Variants in CFAP100 observed in about 807,000 individuals in gnomAD.
CFAP100 encodes the protein cilia- and flagella-associated protein 100.
In CFAP100, 70 loss-of-function variants were observed where a neutral mutation model predicts 81.5. That is an observed-to-expected ratio of 0.86 (90% CI 0.71 to 1.05). The LOEUF is 1.05. Among genes scored for constraint, CFAP100 ranks in the 50% least tolerant of loss-of-function variants. The probability of loss-of-function intolerance (pLI) is 0.00; values close to 1 mark genes in which losing one functional copy is unlikely to be tolerated. For synonymous variants in CFAP100, 341 were observed against 314.8 expected (o/e 1.08, Z -0.88); for missense variants, 811 against 776.5 (o/e 1.04, Z -0.53).
At chr3:126,433,980 G>A in intron 14 of CFAP100, 196 bp from the exon 15 acceptor site, 1 of 571,500 alleles carries the variant, frequency 1.7e-6, no homozygotes, top group Non-Finnish European at 3.1e-6. Flanking sequence ...TGACTCCAGG[G>A]GGCCCGGGGG....
chr3:126,405,770 T>C (rs1278496081), intron 2 of CFAP100, among the ~76,000 whole-genome samples: 2 of 152,170 alleles, frequency 1.3e-5, no homozygotes, highest in Non-Finnish European at 2.9e-5. Context: ...ATATGTGCTA[T>C]GTATGTGCAT....
At chr3:126,410,867 C>CA (rs1160922899) in intron 3 of CFAP100, among the ~76,000 whole-genome samples, 1 of 152,216 alleles carries the variant, frequency 6.6e-6, no homozygotes, top group African/African-American at 2.4e-5. Context: ...ACCACAAACT[C>CA]AAAGGCTTTG....
intron 10 of CFAP100, 33 bp from the exon 11 acceptor site, chr3:126,420,070 A>T: frequency 6.2e-7 from 1 of 1,613,262 alleles, no homozygotes; most frequent in Admixed American, 1.7e-5. Flanking sequence ...TGCCCTGCAC[A>T]GGGCTCGGAA....
At chr3:126,434,489 T>A in intron 15 of CFAP100, 108 bp downstream of exon 15, 2 of 1,059,212 alleles carry the variant, frequency 1.9e-6, no homozygotes, top group Admixed American at 2.5e-5. Context: ...AGGCCCCTCC[T>A]GCTCTGTGCT....
At chr3:126,414,793 C>T (rs1046404794) in intron 4 of CFAP100, among the ~76,000 whole-genome samples, 5 of 152,358 alleles carry the variant, frequency 3.3e-5, no homozygotes, top group Middle Eastern at 3.4e-3. Flanking sequence ...CTGCCTTGGG[C>T]ACCCAGCCCT....
intron 5 of CFAP100, chr3:126,417,981 T>G (rs2083269741): frequency 6.3e-6 from 1 of 159,050 alleles, no homozygotes; most frequent in African/African-American, 2.4e-5. Flanking sequence ...CCACCTCGAC[T>G]TCCTCCTGTC....
rs866275425 is a variant in CFAP100, at chr3:126,395,945, A to G, written c.-56A>G. On this transcript the variant is annotated 5_prime_UTR_variant, in exon 2 of 17. Coordinates refer to ENST00000352312, the MANE Select transcript of CFAP100 (RefSeq NM_182628.3). ...CAAGCACTGTGTCACTCCTCAGGTGAGGATCTCCTTTAGAAGAGGAGAAGC... is the reference window on the plus strand; with the variant it reads ...CAAGCACTGTGTCACTCCTCAGGTGGGGATCTCCTTTAGAAGAGGAGAAGC... 29 of 1,454,810 alleles carry G rather than the reference A, an allele frequency of 2.0e-5. No individual in the cohort carries two copies. The Middle Eastern group carries it at 1.9e-3, about 96-fold the overall frequency. 90.1% of individuals were successfully genotyped at this position (1,454,810 alleles called of 1,614,324 possible).
chr3:126,430,915 T>C (rs1933195290), intron 13 of CFAP100, among the ~76,000 whole-genome samples: 1 of 152,080 alleles, frequency 6.6e-6, no homozygotes. Context: ...GATCTTTATT[T>C]CTTTAGGGTC....
chr3:126,432,499 G>C (rs997191932), intron 13 of CFAP100, among the ~76,000 whole-genome samples: 12 of 152,096 alleles, frequency 7.9e-5, no homozygotes, highest in African/African-American at 2.9e-4. Context: ...TGCAATGGAA[G>C]ATTACTCAGC....
In CFAP100 at chr3:126,436,524, T is replaced by C. The variant is rs1201644888; in HGVS notation, c.*120T>C. ...TCCTCTCTGTCTCCTGTGTGCTCCCTTCCTCACCTGAATAAATTCATGTCT... is the reference window on the plus strand; with the variant it reads ...TCCTCTCTGTCTCCTGTGTGCTCCCCTCCTCACCTGAATAAATTCATGTCT... On this transcript the variant is annotated 3_prime_UTR_variant, in exon 17 of 17. Coordinates refer to ENST00000352312, the MANE Select transcript of CFAP100 (RefSeq NM_182628.3). 4 of 677,490 alleles carry C rather than the reference T, an allele frequency of 5.9e-6. No homozygotes were observed. The highest frequency in any genetic ancestry group is 1.0e-5 in the Non-Finnish European group (4 of 381,250). 42.0% of individuals were successfully genotyped at this position (677,490 alleles called of 1,614,324 possible). A position where few individuals can be genotyped will look rare whatever the true frequency, so the allele number is the denominator to read the frequency against.
At chr3:126,401,199 T>C (rs925734690) in intron 2 of CFAP100, among the ~76,000 whole-genome samples, 1 of 151,684 alleles carries the variant, frequency 6.6e-6, no homozygotes, top group Admixed American at 6.6e-5. Context: ...TGGGGAGTTG[T>C]TTAATGCACG....
In CFAP100 at chr3:126,420,109, AG is replaced by A; in HGVS notation, c.965del (p.Gly322ValfsTer21). The A allele has an allele frequency of 6.2e-7, 1 of 1,613,320 alleles. No individual in the cohort carries two copies. Among genetic ancestry groups the A allele is most frequent in the Non-Finnish European group, 8.5e-7 (1 of 1,180,010 alleles). On this transcript the variant is annotated frameshift_variant, in exon 11 of 17. Coordinates refer to ENST00000352312, the MANE Select transcript of CFAP100 (RefSeq NM_182628.3). LOFTEE classifies it high-confidence loss of function. ...KASSMWAKEG[Q>X]GTKKPWRFLQ... The stretch of plus-strand genomic sequence containing the variant: ...ATTCCTCTGCTTTCTCCAGAGGGTC[AG>A]GGTACAAAGAAGCCCTGGAGGTTTC...
At chr3:126,433,903 G>A in intron 14 of CFAP100, 1 of 462,238 alleles carries the variant, frequency 2.2e-6, no homozygotes, top group South Asian at 2.6e-5. Context: ...GTTCCCTGGA[G>A]GAGGGGACTG....
At chr3:126,407,803 C>T (rs972023820) in intron 3 of CFAP100, among the ~76,000 whole-genome samples, 2 of 152,316 alleles carry the variant, frequency 1.3e-5, no homozygotes, top group South Asian at 2.1e-4. Flanking sequence ...CTGCTGCCAC[C>T]GTTAGGAGGA....
chr3:126,433,893 G>A (rs913702535), intron 14 of CFAP100: 9 of 443,586 alleles, frequency 2.0e-5, no homozygotes, highest in African/African-American at 1.8e-4. Context: ...AGGGTGCAGG[G>A]TTCCCTGGAG....
chr3:126,416,489 G>A lies in CFAP100; in HGVS notation c.399G>A (p.Trp133Ter), dbSNP rs142615985. 7.2e-3 allele frequency: 11,533 copies of A among 1,599,676 alleles called. 79 individuals carry two copies. Among genetic ancestry groups the A allele is most frequent in the Non-Finnish European group, 7.6e-3 (8,878 of 1,172,384 alleles). Residue 133 changes from tryptophan to a stop codon, truncating the protein, a stop_gained, in exon 5 of 17, where the codon TGG (tryptophan) becomes TGA (stop). Transcript: ENST00000352312. LOFTEE classifies it high-confidence loss of function. ...GCGCCTTCCGCGACTACACGACCTG[G>A]AAGCTCACCTTGACCAAAGGTGCGT... is the stretch of plus-strand genomic sequence containing the variant. Reference protein sequence around the residue: ...HQRAFRDYTTWKLTLTKEKNV... With the variant: ...HQRAFRDYTT
At chr3:126,416,563 C>A in intron 5 of CFAP100, 55 bp downstream of exon 5, 2 of 1,416,352 alleles carry the variant, frequency 1.4e-6, no homozygotes, top group Non-Finnish European at 1.9e-6. Context: ...ACAACCGCAG[C>A]TCAGGGGGCG....
At chr3:126,428,361 AGAG>A (rs946679949) in intron 13 of CFAP100, among the ~76,000 whole-genome samples, 3 of 142,770 alleles carry the variant, frequency 2.1e-5, no homozygotes, top group Non-Finnish European at 4.7e-5. Context: ...TTAGAGGGAG[AGAG>A]GGATAAAGAG....
rs878914832 is a variant in CFAP100, at chr3:126,413,969, T to A, written c.131-116T>A. 4.0e-6 allele frequency: 3 copies of A among 748,738 alleles called. No homozygotes were observed. The South Asian group carries it at 4.6e-5, about 11-fold the overall frequency. 46.4% of individuals were successfully genotyped at this position (748,738 alleles called of 1,614,324 possible). On this transcript the variant is annotated intron_variant, in intron 3 of 16. Transcript: ENST00000352312. ...GGCACAGCTGGATCCAGGGGGAACC[T>A]TCCCACTCACTCATGCTTTTCCATG...
Sources: gnomAD v4.1 joint callset for allele counts (sites outside exome capture counted in the v4.1 genomes callset) on GRCh38, gnomAD v4.1.1 for gene constraint, MANE v1.5 for transcripts, NCBI Gene and HGNC (gene_info 2026-07-23, HGNC 2026-07-21) for gene names.